The following CCDC60 variants were observed in gnomAD, a reference collection of about 807,000 sequenced individuals.
CCDC60 encodes coiled-coil domain containing 60.
CCDC60 carries 54 observed loss-of-function variants against 63.5 expected under a neutral mutation model. The ratio of observed to expected loss-of-function variants is 0.85; its 90% CI spans 0.68 to 1.07. CCDC60 has a LOEUF of 1.07. Among genes scored for constraint, CCDC60 ranks in the 50% least tolerant of loss-of-function variants. The pLI is 0.00. For synonymous variants in CCDC60, 206 were observed against 238.8 expected, an observed-to-expected ratio of 0.86 and a Z score of 1.27; for missense variants, 651 against 684.3, an observed-to-expected ratio of 0.95 and a Z score of 0.54.
chr12:119,398,047 G>C (rs1220189473), intron 1 of CCDC60, among the ~76,000 whole-genome samples: 1 of 72,456 alleles, frequency 1.4e-5, no homozygotes, highest in Non-Finnish European at 2.9e-5. Context: ...GGGCAGCGGG[G>C]GGGGAGGAAG....
At chr12:119,476,463 G>C (rs1200242841) in intron 3 of CCDC60, among the ~76,000 whole-genome samples, 2 of 152,082 alleles carry the variant, frequency 1.3e-5, no homozygotes, top group Non-Finnish European at 2.9e-5. Flanking sequence ...GTGAACATTG[G>C]AGGACATAGA....
chr12:119,383,343 C>T (rs1055207944), intron 1 of CCDC60, among the ~76,000 whole-genome samples: 2 of 152,236 alleles, frequency 1.3e-5, no homozygotes, highest in Non-Finnish European at 2.9e-5. Flanking sequence ...CCCATATTTC[C>T]TATTTCAGAG....
intron 8 of CCDC60, among the ~76,000 whole-genome samples, 173 bp downstream of exon 8, chr12:119,516,880 CTT>C (rs1026396033): frequency 6.6e-6 from 1 of 152,176 alleles, no homozygotes; most frequent in African/African-American, 2.4e-5. Context: ...GTACTATTAT[CTT>C]TATTTTACAA....
At chr12:119,494,701 C>G (rs1456431951) in intron 5 of CCDC60, among the ~76,000 whole-genome samples, 2 of 149,018 alleles carry the variant, frequency 1.3e-5, no homozygotes, top group African/African-American at 2.4e-5. Flanking sequence ...CAAACATCAG[C>G]CAGGCGTGGT....
chr12:119,520,897 T>G (rs708886), intron 9 of CCDC60, among the ~76,000 whole-genome samples: 70,104 of 151,952 alleles, frequency 0.46, 16,800 homozygotes, highest in African/African-American at 0.61. Context: ...GGGGAATTCA[T>G]TAGCAAATGA....
intron 7 of CCDC60, among the ~76,000 whole-genome samples, chr12:119,516,125 A>T (rs899317667): frequency 2.6e-4 from 40 of 151,974 alleles, no homozygotes; most frequent in African/African-American, 9.2e-4. Context: ...TATTATTTTG[A>T]TTCAGAGTCT....
intron 2 of CCDC60, among the ~76,000 whole-genome samples, chr12:119,445,602 G>A (rs12303615): frequency 0.27 from 40,184 of 151,496 alleles, 5,513 homozygotes; most frequent in African/African-American, 0.34. Flanking sequence ...GAGTTTGGGG[G>A]TCAGGAAATT....
chr12:119,372,153 G>T (rs145817792), intron 1 of CCDC60, among the ~76,000 whole-genome samples: 8,684 of 152,140 alleles, frequency 0.057, 303 homozygotes, highest in Non-Finnish European at 0.071. Flanking sequence ...CCAGCTACTC[G>T]GGAGGCTGAG....
At chr12:119,418,403 T>C (rs1246415513) in intron 1 of CCDC60, among the ~76,000 whole-genome samples, 1 of 14,270 alleles carries the variant, frequency 7.0e-5, no homozygotes, top group Non-Finnish European at 1.3e-4. Flanking sequence ...TTTTTTTTTT[T>C]TTTTTTTTTT....
chr12:119,460,218 T>C (rs1950831047), intron 2 of CCDC60, among the ~76,000 whole-genome samples: 1 of 152,238 alleles, frequency 6.6e-6, no homozygotes, highest in Non-Finnish European at 1.5e-5. Context: ...ATTGCTCAGA[T>C]ATTTTATCAC....
chr12:119,469,207 C>T (rs1951009993), intron 2 of CCDC60, among the ~76,000 whole-genome samples: 1 of 152,128 alleles, frequency 6.6e-6, no homozygotes. Flanking sequence ...TTCCCAGCTG[C>T]AGACCCAAGT....
At chr12:119,508,501 A>T (rs1193684714) in intron 7 of CCDC60, among the ~76,000 whole-genome samples, 1 of 151,990 alleles carries the variant, frequency 6.6e-6, no homozygotes, top group Non-Finnish European at 1.5e-5. Flanking sequence ...AGGAAGTTGT[A>T]ACTAGCAAGG....
intron 1 of CCDC60, among the ~76,000 whole-genome samples, chr12:119,358,801 T>C (rs1955743469): frequency 6.6e-6 from 1 of 152,228 alleles, no homozygotes; most frequent in South Asian, 2.1e-4. Flanking sequence ...TATATAGTAT[T>C]CTACAATATG....
At chr12:119,408,824 CA>C (rs36061123) in intron 1 of CCDC60, among the ~76,000 whole-genome samples, 19 of 135,334 alleles carry the variant, frequency 1.4e-4, no homozygotes, top group Non-Finnish European at 2.2e-4. Context: ...GACTCCGTCT[CA>C]AAAAAAAAAC....
chr12:119,340,625 G>A (rs980160906), intron 1 of CCDC60, among the ~76,000 whole-genome samples: 7 of 151,946 alleles, frequency 4.6e-5, no homozygotes, highest in Non-Finnish European at 7.4e-5. Context: ...GCCTGGAGTC[G>A]GAAAAGGAGA....
Position 119,500,336 on chromosome 12 carries a change from TA to T in CCDC60, c.648+172del, listed in dbSNP as rs536887106. Among the ~76,000 whole-genome samples, 80 of 152,158 alleles carry T rather than the reference TA, an allele frequency of 5.3e-4. 2 individuals carry two copies. In the South Asian group the frequency reaches 0.016, roughly 31 times the overall value. On this transcript the variant is annotated intron_variant, in intron 6 of 13. Transcript: ENST00000327554. ...TTGGATGGTTTTTGTAAATTTTAAT[TA>T]AAACAGTTATCTAGGGATTATAGGA...
intron 12 of CCDC60, among the ~76,000 whole-genome samples, chr12:119,529,900 T>C (rs1362249484): frequency 6.6e-6 from 1 of 152,210 alleles, no homozygotes; most frequent in Non-Finnish European, 1.5e-5. Context: ...TCTGTCATTA[T>C]TATGGGGGAA....
intron 2 of CCDC60, among the ~76,000 whole-genome samples, chr12:119,437,388 A>G (rs1206733248): frequency 6.6e-6 from 1 of 152,194 alleles, no homozygotes; most frequent in Non-Finnish European, 1.5e-5. Flanking sequence ...TTCTCAGCCT[A>G]GCATTCCAGG....
chr12:119,511,059 A>G (rs1025486730), intron 7 of CCDC60, among the ~76,000 whole-genome samples: 1 of 152,200 alleles, frequency 6.6e-6, no homozygotes, highest in African/African-American at 2.4e-5. Context: ...ATTTACCTTC[A>G]TCCTAGCACA....
Sources: allele counts gnomAD v4.1 joint callset (sites outside exome capture counted in the v4.1 genomes callset), GRCh38; gene constraint gnomAD v4.1.1; transcripts MANE v1.5; gene names NCBI Gene and HGNC (gene_info 2026-07-23, HGNC 2026-07-21).